KLF12: variants seen among roughly 807,000 people sequenced by gnomAD.
The protein encoded by KLF12 is Krueppel-like factor 12.
Under a neutral mutation model 37.8 loss-of-function variants are expected in KLF12, and 9 were observed. The ratio of observed to expected loss-of-function variants is 0.24; its 90% confidence interval spans 0.14 to 0.42. KLF12 has a LOEUF of 0.42. KLF12 is among the 10% of genes least tolerant of loss of function. The probability of loss-of-function intolerance (pLI) is 1.00; values close to 1 mark genes in which losing one functional copy is unlikely to be tolerated. For missense variants in KLF12, 411 were observed against 516.0 expected (o/e 0.80, Z 1.97); for synonymous variants, 208 against 202.1 (o/e 1.03, Z -0.25).
At chr13:74,055,966 C>T (rs1393626957) in intron 1 of KLF12, among the ~76,000 whole-genome samples, 2 of 152,190 alleles carry the variant, frequency 1.3e-5, no homozygotes, top group Admixed American at 6.5e-5. Context: ...AAGCATTGAG[C>T]ATGAGCTGTG....
At chr13:74,013,940 G>T (rs1892616597) in intron 1 of KLF12, among the ~76,000 whole-genome samples, 2 of 151,674 alleles carry the variant, frequency 1.3e-5, no homozygotes, top group Non-Finnish European at 1.5e-5. Flanking sequence ...TCAGCCTTCA[G>T]AGTAGTTGGG....
intron 3 of KLF12, among the ~76,000 whole-genome samples, chr13:73,904,969 A>C (rs116063641): frequency 0.012 from 1,771 of 152,068 alleles, 45 homozygotes; most frequent in African/African-American, 0.041. Context: ...AAAAAAAAAA[A>C]AATCATCTAA....
At position 73,869,657 on chromosome 13, in the gene KLF12, A is replaced by AC. The variant is rs1886371143; in HGVS notation, c.124-23285_124-23284insG. 7.9e-5 allele frequency among the ~76,000 whole-genome samples: 12 copies of AC among 151,836 alleles called. No individual in the cohort carries two copies. In the South Asian group the frequency reaches 2.3e-3, roughly 29 times the overall value. On this transcript the variant is annotated intron_variant, in intron 3 of 7. Transcript: ENST00000377669. ...TAACAGTTATATGCTGAGTATATAT[A>AC]ATATACTCAGCATATAACATAGTTC...
At chr13:73,943,927 A>T in intron 3 of KLF12, 54 bp downstream of exon 3, 2 of 1,084,646 alleles carry the variant, frequency 1.8e-6, no homozygotes, top group Admixed American at 3.6e-5. Flanking sequence ...TGCTCTGCAG[A>T]AGAATGCCAC....
At chr13:73,840,653 C>T (rs1231841401) in intron 4 of KLF12, among the ~76,000 whole-genome samples, 1 of 152,152 alleles carries the variant, frequency 6.6e-6, no homozygotes, top group Non-Finnish European at 1.5e-5. Context: ...TCTGCTCCTT[C>T]CCCATATTCT....
intron 2 of KLF12, among the ~76,000 whole-genome samples, chr13:73,987,177 C>CA (rs1172386095): frequency 7.9e-5 from 12 of 151,912 alleles, no homozygotes; most frequent in East Asian, 1.9e-4. Context: ...GTGTAAGACA[C>CA]AAAAAATCAC....
chr13:74,063,367 A>G (rs779678773), intron 1 of KLF12, among the ~76,000 whole-genome samples: 6 of 152,232 alleles, frequency 3.9e-5, no homozygotes, highest in Non-Finnish European at 7.3e-5. Context: ...TAAAGCCAAT[A>G]CCATGCATTC....
At chr13:74,092,611 C>T (rs1875740187) in intron 1 of KLF12, among the ~76,000 whole-genome samples, 1 of 150,746 alleles carries the variant, frequency 6.6e-6, no homozygotes, top group Non-Finnish European at 1.5e-5. Flanking sequence ...GCAACAGAGA[C>T]TCCAACTCAA....
At chr13:73,760,012 T>C (rs932405681) in intron 6 of KLF12, among the ~76,000 whole-genome samples, 21 of 152,142 alleles carry the variant, frequency 1.4e-4, no homozygotes, top group African/African-American at 5.1e-4. Flanking sequence ...TGCATGAATA[T>C]AAATATTTAA....
intron 1 of KLF12, among the ~76,000 whole-genome samples, chr13:74,089,220 C>G (rs768829966): frequency 3.3e-5 from 5 of 152,026 alleles, no homozygotes; most frequent in Non-Finnish European, 5.9e-5. Context: ...AAACTTCCAC[C>G]CGCCCCCTAC....
the KLF12 span, among the ~76,000 whole-genome samples, chr13:74,203,402 T>C: frequency 6.6e-6 from 1 of 152,124 alleles, no homozygotes; most frequent in Admixed American, 6.6e-5. Context: ...TTTCATCTCA[T>C]CAGATTTGTA....
the KLF12 span, among the ~76,000 whole-genome samples, chr13:74,212,249 A>G: frequency 0.015 from 2,215 of 152,322 alleles, 24 homozygotes; most frequent in Non-Finnish European, 0.023. Flanking sequence ...TCACATTTAG[A>G]ATATAATTTA....
chr13:73,918,120 T>C lies in KLF12; in HGVS notation c.123+25861A>G, dbSNP rs1888933049. On this transcript the variant is annotated intron_variant, in intron 3 of 7. Transcript: ENST00000377669. Reference sequence around the variant, plus strand: ...ATATACACACACACATATCTATGTATACAGAGAGAGAGAGAGAGATGTATT... The same window carrying C: ...ATATACACACACACATATCTATGTACACAGAGAGAGAGAGAGAGATGTATT... 1.3e-5 allele frequency among the ~76,000 whole-genome samples: 2 copies of C among 151,824 alleles called. 1 individual carries two copies. Among genetic ancestry groups the C allele is most frequent in the South Asian group, 4.2e-4 (2 of 4,808 alleles).
chr13:73,864,727 C>A (rs1886091014), intron 3 of KLF12, among the ~76,000 whole-genome samples: 1 of 152,000 alleles, frequency 6.6e-6, no homozygotes, highest in Admixed American at 6.5e-5. Context: ...TCAATCAACA[C>A]AAAATTCATC....
chr13:73,723,966 G>A (rs568873743), intron 6 of KLF12, among the ~76,000 whole-genome samples: 40 of 152,224 alleles, frequency 2.6e-4, no homozygotes, highest in African/African-American at 8.9e-4. Flanking sequence ...TTCAACCATC[G>A]GGGAAGACAG....
chr13:73,936,697 G>C (rs983523489), intron 3 of KLF12, among the ~76,000 whole-genome samples: 1 of 152,150 alleles, frequency 6.6e-6, no homozygotes, highest in Admixed American at 6.5e-5. Context: ...TTGCCGCCCG[G>C]AAGTTACCTC....
intron 4 of KLF12, among the ~76,000 whole-genome samples, chr13:73,815,070 AC>A (rs1883142433): frequency 6.6e-6 from 1 of 151,310 alleles, no homozygotes; most frequent in Non-Finnish European, 1.5e-5. Context: ...CTGTCATGTG[AC>A]TCTGTACCTC....
intron 3 of KLF12, among the ~76,000 whole-genome samples, chr13:73,886,790 A>C (rs1887242373): frequency 6.6e-6 from 1 of 152,064 alleles, no homozygotes; most frequent in African/African-American, 2.4e-5. Flanking sequence ...TCCGGAGTTC[A>C]AGACCAGCCT....
chr13:74,232,141 G>T, the KLF12 span, among the ~76,000 whole-genome samples: 2 of 152,186 alleles, frequency 1.3e-5, no homozygotes, highest in African/African-American at 4.8e-5. Flanking sequence ...AGAGGAAGAG[G>T]TTGTGGGACA....
Sources: allele counts gnomAD v4.1 joint callset (sites outside exome capture counted in the v4.1 genomes callset), GRCh38; gene constraint gnomAD v4.1.1; transcripts MANE v1.5; gene names NCBI Gene and HGNC (gene_info 2026-07-23, HGNC 2026-07-21).